The following RBFOX1 variants were observed in gnomAD, a reference collection of about 807,000 sequenced individuals.
RBFOX1 encodes RNA binding fox-1 homolog 1.
Under a neutral mutation model 57.7 loss-of-function variants are expected in RBFOX1, and 8 were observed. That is an observed-to-expected ratio of 0.14 (90% confidence interval 0.08 to 0.25). The LOEUF (loss-of-function observed/expected upper bound fraction) is 0.25, where lower values mean the gene tolerates loss of function less well. Ranked by LOEUF, RBFOX1 falls within the 10% of genes least tolerant of loss-of-function variation. RBFOX1 has a pLI of 1.00. For synonymous variants in RBFOX1, 326 were observed against 222.4 expected (o/e 1.47, Z -4.15); for missense variants, 611 against 548.5 (o/e 1.11, Z -1.14).
intron 2 of RBFOX1, among the ~76,000 whole-genome samples, chr16:6,335,709 C>T (rs1205359544): frequency 1.4e-5 from 2 of 140,856 alleles, no homozygotes; most frequent in Non-Finnish European, 3.0e-5. Flanking sequence ...ACCCGGGAGC[C>T]GGAGATTGCA....
At chr16:6,752,735 C>T (rs1047099867) in intron 3 of RBFOX1, among the ~76,000 whole-genome samples, 3 of 152,128 alleles carry the variant, frequency 2.0e-5, no homozygotes, top group Non-Finnish European at 2.9e-5. Flanking sequence ...TCAAAACTTT[C>T]CTATCCCCCT....
chr16:6,265,382 C>T (rs1259920057), intron 1 of RBFOX1, among the ~76,000 whole-genome samples: 1 of 152,080 alleles, frequency 6.6e-6, no homozygotes, highest in Non-Finnish European at 1.5e-5. Flanking sequence ...CTGCCTCAGC[C>T]TCCCGAGTAG....
intron 3 of RBFOX1, among the ~76,000 whole-genome samples, chr16:6,672,786 G>C (rs1269218493): frequency 6.6e-6 from 1 of 152,110 alleles, no homozygotes; most frequent in South Asian, 2.1e-4. Context: ...TCACAGTTCT[G>C]GTAGAAAGAT....
chr16:6,363,372 A>C (rs2795555), intron 2 of RBFOX1, among the ~76,000 whole-genome samples: 20,480 of 152,176 alleles, frequency 0.13, 4,515 homozygotes, highest in African/African-American at 0.46. Flanking sequence ...TAGGCACCAT[A>C]CCCTAAATCT....
chr16:6,774,069 A>T (rs1335215748), intron 3 of RBFOX1: 1 of 905,448 alleles, frequency 1.1e-6, no homozygotes, highest in Non-Finnish European at 1.3e-6. Flanking sequence ...CTGATTTCCC[A>T]TTAATTTCCT....
At chr16:5,584,611 G>C (rs2046774066) in intron 2 of RBFOX1, among the ~76,000 whole-genome samples, 1 of 152,212 alleles carries the variant, frequency 6.6e-6, no homozygotes, top group Non-Finnish European at 1.5e-5. Context: ...GCACAGGCAG[G>C]TGGGTCATTG....
chr16:7,515,754 C>T (rs1346877708), intron 4 of RBFOX1, among the ~76,000 whole-genome samples: 1 of 152,108 alleles, frequency 6.6e-6, no homozygotes, highest in African/African-American at 2.4e-5. Context: ...TCAGTAGAAA[C>T]CTCTCTGTTC....
In RBFOX1 at chr16:6,991,159, A is replaced by C. The variant is rs903075433; in HGVS notation, c.-15-60898A>C. On this transcript the variant is annotated intron_variant, in intron 3 of 15. Coordinates refer to ENST00000550418, the MANE Select transcript of RBFOX1 (RefSeq NM_018723.4). ...TCCAAAAAAAAAAAAAAAAAAAAAAAAAAGACACGGTGGCGTGTACCTTTA... is the reference window on the plus strand; with the variant it reads ...TCCAAAAAAAAAAAAAAAAAAAAAACAAAGACACGGTGGCGTGTACCTTTA... 7.3e-3 allele frequency among the ~76,000 whole-genome samples: 1,096 copies of C among 149,560 alleles called. 23 individuals carry two copies. The highest frequency in any genetic ancestry group is 0.026 in the African/African-American group (1,032 of 39,886).
chr16:6,501,497 C>G (rs945011425), intron 2 of RBFOX1, among the ~76,000 whole-genome samples: 58 of 151,986 alleles, frequency 3.8e-4, no homozygotes, highest in African/African-American at 1.4e-3. Context: ...GCATAGTACT[C>G]CATGGTGTAT....
intron 2 of RBFOX1, among the ~76,000 whole-genome samples, chr16:5,527,197 G>A (rs1248994998): frequency 1.3e-5 from 2 of 152,168 alleles, no homozygotes; most frequent in Non-Finnish European, 2.9e-5. Flanking sequence ...TTTGATTTCT[G>A]CTGTGTTGTC....
intron 4 of RBFOX1, among the ~76,000 whole-genome samples, chr16:5,882,394 A>G (rs926241464): frequency 3.3e-5 from 5 of 152,218 alleles, no homozygotes; most frequent in Admixed American, 6.5e-5. Context: ...CAACACCTGG[A>G]AAAGTCATAC....
chr16:6,692,339 T>TC (rs34196806), intron 3 of RBFOX1, among the ~76,000 whole-genome samples: 149,361 of 152,210 alleles, frequency 0.98, 73,344 homozygotes, highest in Middle Eastern at 1. Flanking sequence ...AAGTGTTTCA[T>TC]CTTCTTTATT....
intron 4 of RBFOX1, among the ~76,000 whole-genome samples, chr16:7,291,219 C>G (rs562429027): frequency 1.3e-5 from 2 of 152,296 alleles, no homozygotes; most frequent in South Asian, 4.1e-4. Context: ...GCATTCAATA[C>G]TGTGCCCTAA....
At chr16:7,442,025 G>C (rs566125798) in intron 4 of RBFOX1, among the ~76,000 whole-genome samples, 1 of 152,290 alleles carries the variant, frequency 6.6e-6, no homozygotes, top group African/African-American at 2.4e-5. Context: ...TTTTCCCCTA[G>C]TTCATGGGGA....
At chr16:6,389,229 T>C (rs887631824) in intron 2 of RBFOX1, among the ~76,000 whole-genome samples, 1 of 152,266 alleles carries the variant, frequency 6.6e-6, no homozygotes, top group South Asian at 2.1e-4. Flanking sequence ...CATTTTTCTG[T>C]GTCTGTGGGC....
chr16:7,420,036 C>T (rs1265572412), intron 4 of RBFOX1, among the ~76,000 whole-genome samples: 1 of 149,492 alleles, frequency 6.7e-6, no homozygotes, highest in African/African-American at 2.5e-5. Context: ...TATATGTTGT[C>T]ACTGTTTCTT....
chr16:7,700,798 T>G (rs1472833079), intron 14 of RBFOX1, among the ~76,000 whole-genome samples: 1 of 152,150 alleles, frequency 6.6e-6, no homozygotes. Flanking sequence ...CCCTCAAATC[T>G]GCTGTTGGGT....
At chr16:6,454,964 C>G (rs575815155) in intron 2 of RBFOX1, among the ~76,000 whole-genome samples, 2 of 149,174 alleles carry the variant, frequency 1.3e-5, no homozygotes, top group Non-Finnish European at 3.0e-5. Flanking sequence ...CTCACTGCAA[C>G]CTCTGCCTCC....
At chr16:5,507,929 T>C (rs1457182515) in intron 2 of RBFOX1, among the ~76,000 whole-genome samples, 2 of 152,042 alleles carry the variant, frequency 1.3e-5, no homozygotes, top group African/African-American at 4.8e-5. Flanking sequence ...TGAGAATGCT[T>C]ATGTGTTGTT....
Sources: gnomAD v4.1 joint callset for allele counts (sites outside exome capture counted in the v4.1 genomes callset) on GRCh38, gnomAD v4.1.1 for gene constraint, MANE v1.5 for transcripts, NCBI Gene and HGNC (gene_info 2026-07-23, HGNC 2026-07-21) for gene names.